The following SIRPG variants were observed in gnomAD, a reference collection of about 807,000 sequenced individuals.
The protein encoded by SIRPG is signal-regulatory protein gamma.
A neutral mutation model predicts 35.7 loss-of-function variants in SIRPG; 38 were observed. The observed-to-expected ratio is 1.06, with a 90% confidence interval of 0.82 to 1.40. SIRPG has a LOEUF of 1.40. Ranked by LOEUF, SIRPG falls within the 40% of genes most tolerant of loss-of-function variation. SIRPG has a pLI of 0.00. For synonymous variants in SIRPG, 215 were observed against 190.4 expected, an observed-to-expected ratio of 1.13 and a Z score of -1.06; for missense variants, 519 against 483.0, an observed-to-expected ratio of 1.07 and a Z score of -0.70.
chr20:1,658,159 G>A (rs1021310574), upstream of SIRPG, among the ~76,000 whole-genome samples: 4 of 152,184 alleles, frequency 2.6e-5, no homozygotes, highest in Admixed American at 2.0e-4. Context: ...ATGCCACTCC[G>A]CTGGACGTAG....
chr20:1,636,629 A>G, intron 2 of SIRPG, 124 bp from the exon 3 acceptor site: 1 of 1,114,516 alleles, frequency 9.0e-7, no homozygotes, highest in South Asian at 1.5e-5. Context: ...TGTGGAGAGG[A>G]TGGTGTTCTT....
At chr20:1,684,464 C>A in the SIRPG span, among the ~76,000 whole-genome samples, 81,344 of 151,706 alleles carry the variant, frequency 0.54, 22,007 homozygotes, top group Admixed American at 0.59. Flanking sequence ...TTGTTCTGTC[C>A]TTATACTATA....
Position 1,630,228 on chromosome 20 carries a change from G to T in SIRPG, c.1160C>A (p.Thr387Asn). The change falls in exon 5 of 6, where the codon ACC (threonine) becomes AAC (asparagine). Residue 387 changes from threonine to asparagine, a missense_variant. Transcript: ENST00000303415. Reference protein sequence around the residue: ...GPIYVPWKQKT With the variant: ...GPIYVPWKQKN ...CTCCCTTCCTTGTACTTACAGTCAG[G>T]TCTTCTGCTTCCAGGGGACGTAGAT... is the stretch of plus-strand genomic sequence containing the variant. 1.3e-6 allele frequency: 2 copies of T among 1,564,776 alleles called. No homozygotes were observed. Among genetic ancestry groups the T allele is most frequent in the African/African-American group, 1.3e-5 (1 of 74,164 alleles).
chr20:1,635,183 T>G, intron 4 of SIRPG, 84 bp downstream of exon 4: 1 of 1,138,980 alleles, frequency 8.8e-7, no homozygotes, highest in South Asian at 1.6e-5. Flanking sequence ...ATTTATAGAC[T>G]TCTAGCTTAT....
intron 1 of SIRPG, among the ~76,000 whole-genome samples, chr20:1,656,877 AT>A (rs1207006639): frequency 4.0e-5 from 6 of 151,716 alleles, no homozygotes; most frequent in African/African-American, 4.8e-5. Context: ...CGAGGTTGCA[AT>A]TTTTTTTTAA....
intron 5 of SIRPG, among the ~76,000 whole-genome samples, 158 bp downstream of exon 5, chr20:1,630,064 G>A (rs1279415321): frequency 1.3e-5 from 2 of 152,162 alleles, no homozygotes; most frequent in African/African-American, 4.8e-5. Context: ...AATTTCTGTG[G>A]GTTGGGAGCC....
the SIRPG span, among the ~76,000 whole-genome samples, chr20:1,663,260 C>A: frequency 6.6e-6 from 1 of 152,136 alleles, no homozygotes; most frequent in African/African-American, 2.4e-5. Context: ...TTGCAGTCAG[C>A]CGAGATCGTG....
At chr20:1,650,112 C>T (rs1408203066) in intron 1 of SIRPG, among the ~76,000 whole-genome samples, 1 of 149,100 alleles carries the variant, frequency 6.7e-6, no homozygotes, top group African/African-American at 2.5e-5. Context: ...GCGTCTTTTG[C>T]AGGCTAGTTT....
chr20:1,674,557 C>T, the SIRPG span, among the ~76,000 whole-genome samples: 1 of 152,226 alleles, frequency 6.6e-6, no homozygotes, highest in South Asian at 2.1e-4. Flanking sequence ...GTGGCCCAGG[C>T]AGTTGGGCTC....
the SIRPG span, among the ~76,000 whole-genome samples, chr20:1,683,439 C>G: frequency 6.6e-6 from 1 of 152,184 alleles, no homozygotes; most frequent in Non-Finnish European, 1.5e-5. Flanking sequence ...ACAGCGATAT[C>G]TGCACCCATA....
intron 1 of SIRPG, among the ~76,000 whole-genome samples, chr20:1,651,581 G>T (rs1325835635): frequency 2.0e-5 from 3 of 152,082 alleles, no homozygotes; most frequent in Non-Finnish European, 2.9e-5. Context: ...GACACAACCT[G>T]CAGGACTTAC....
At chr20:1,674,461 A>T in the SIRPG span, among the ~76,000 whole-genome samples, 1 of 152,174 alleles carries the variant, frequency 6.6e-6, no homozygotes, top group Non-Finnish European at 1.5e-5. Context: ...GGTCAGTGTT[A>T]TCATCAACAG....
At chr20:1,668,231 CTTTCTTTCTTTCTTTCTT>C in the SIRPG span, among the ~76,000 whole-genome samples, 5,035 of 50,196 alleles carry the variant, frequency 0.1, 144 homozygotes, top group Non-Finnish European at 0.13. Context: ...TTCTTTCTTT[CTTTCTTTCTTTCTTTCTT>C]TTTCTTTTTC....
chr20:1,651,237 A>T (rs542841924), intron 1 of SIRPG: 3 of 152,370 alleles, frequency 2.0e-5, no homozygotes, highest in African/African-American at 7.2e-5. Flanking sequence ...ATACCTCCAC[A>T]TCCCACAAAC....
At chr20:1,656,208 A>G (rs905307164) in intron 1 of SIRPG, among the ~76,000 whole-genome samples, 3 of 152,190 alleles carry the variant, frequency 2.0e-5, no homozygotes, top group African/African-American at 4.8e-5. Context: ...ACATAGCATA[A>G]CATGGTTAAA....
intron 1 of SIRPG, among the ~76,000 whole-genome samples, chr20:1,657,428 G>T (rs1286812648): frequency 1.3e-5 from 2 of 152,194 alleles, no homozygotes; most frequent in Admixed American, 6.5e-5. Context: ...TAATTGTGAT[G>T]GTGGCAGAAG....
At chr20:1,679,268 T>C in the SIRPG span, among the ~76,000 whole-genome samples, 1 of 152,144 alleles carries the variant, frequency 6.6e-6, no homozygotes, top group African/African-American at 2.4e-5. Flanking sequence ...AATAAAGATG[T>C]CCAGTTAGGT....
the SIRPG span, among the ~76,000 whole-genome samples, chr20:1,664,435 C>G: frequency 1.3e-5 from 2 of 152,096 alleles, no homozygotes; most frequent in Non-Finnish European, 2.9e-5. Flanking sequence ...TACGGAAAAG[C>G]TGGAGAGAGT....
upstream of SIRPG, among the ~76,000 whole-genome samples, chr20:1,661,243 A>T (rs144992573): frequency 7.3e-3 from 1,107 of 152,274 alleles, 5 homozygotes; most frequent in Non-Finnish European, 0.012. Flanking sequence ...TACGACGATG[A>T]TGAGCTGAGG....
Sources: allele counts gnomAD v4.1 joint callset (sites outside exome capture counted in the v4.1 genomes callset), GRCh38; gene constraint gnomAD v4.1.1; transcripts MANE v1.5; gene names NCBI Gene and HGNC (gene_info 2026-07-23, HGNC 2026-07-21).